The following SCN10A variants were observed in gnomAD, a reference collection of about 807,000 sequenced individuals.
SCN10A encodes the protein sodium voltage-gated channel alpha subunit 10.
Under a neutral mutation model 170.7 loss-of-function variants are expected in SCN10A, and 162 were observed. The ratio of observed to expected loss-of-function variants is 0.95; its 90% CI spans 0.84 to 1.08. The LOEUF is 1.08. SCN10A is among the 50% of genes least tolerant of loss of function. The pLI is 0.00. For synonymous variants in SCN10A, 985 were observed against 904.6 expected (o/e 1.09, Z -1.59); for missense variants, 2,527 against 2,436.9 (o/e 1.04, Z -0.78).
At chr3:38,787,602 A>G (rs947980297) in intron 4 of SCN10A, among the ~76,000 whole-genome samples, 1 of 151,798 alleles carries the variant, frequency 6.6e-6, no homozygotes, top group Non-Finnish European at 1.5e-5. Flanking sequence ...AAAGCTTTCC[A>G]TGTTCACAAT....
At chr3:38,708,307 G>C (rs1043726076) in intron 25 of SCN10A, among the ~76,000 whole-genome samples, 1 of 152,094 alleles carries the variant, frequency 6.6e-6, no homozygotes, top group Admixed American at 6.5e-5. Context: ...GTTTCTCAGT[G>C]ACCCCAGCCT....
At chr3:38,719,617 TCTC>T (rs1279516011) in intron 20 of SCN10A, among the ~76,000 whole-genome samples, 1 of 151,908 alleles carries the variant, frequency 6.6e-6, no homozygotes, top group African/African-American at 2.4e-5. Context: ...ATGGTCTCGA[TCTC>T]CTGACCTCAT....
At chr3:38,737,902 C>G (rs1047449684) in intron 15 of SCN10A, among the ~76,000 whole-genome samples, 5 of 148,320 alleles carry the variant, frequency 3.4e-5, no homozygotes, top group African/African-American at 1.2e-4. Flanking sequence ...TTTCATCTGT[C>G]TTTCTCTCGC....
At chr3:38,735,362 A>G (rs891746168) in intron 15 of SCN10A, among the ~76,000 whole-genome samples, 1 of 152,172 alleles carries the variant, frequency 6.6e-6, no homozygotes, top group East Asian at 1.9e-4. Flanking sequence ...ATTTAAGAAG[A>G]TATGCAAGAT....
At chr3:38,750,209 G>C in intron 12 of SCN10A, 25 bp from the exon 13 acceptor site, 1 of 1,439,906 alleles carries the variant, frequency 6.9e-7, no homozygotes, top group Non-Finnish European at 9.8e-7. Flanking sequence ...ACAGAGTCAG[G>C]ACGCTCCTTT....
intron 1 of SCN10A, among the ~76,000 whole-genome samples, chr3:38,797,241 C>T (rs1391400516): frequency 6.6e-6 from 1 of 152,092 alleles, no homozygotes; most frequent in Admixed American, 6.6e-5. Context: ...ATAGACACTG[C>T]TTATTGTCAC....
chr3:38,784,776 C>T (rs1041134578), intron 4 of SCN10A, among the ~76,000 whole-genome samples: 4 of 152,142 alleles, frequency 2.6e-5, no homozygotes, highest in Non-Finnish European at 5.9e-5. Flanking sequence ...TAAGCAACTT[C>T]AGCAAAGTCT....
chr3:38,735,758 G>A (rs2063554114), intron 15 of SCN10A, among the ~76,000 whole-genome samples: 1 of 152,212 alleles, frequency 6.6e-6, no homozygotes, highest in South Asian at 2.1e-4. Context: ...GTGACGGGAG[G>A]AGAAGCAATG....
intron 15 of SCN10A, among the ~76,000 whole-genome samples, chr3:38,736,972 T>TTTTG (rs1553618245): frequency 8.3e-5 from 8 of 96,154 alleles, no homozygotes; most frequent in Non-Finnish European, 1.5e-4. Context: ...CGTTTTTTTT[T>TTTTG]TTTTTTTTTT....
intron 13 of SCN10A, among the ~76,000 whole-genome samples, chr3:38,747,992 T>TC (rs2063709382): frequency 6.6e-6 from 1 of 152,156 alleles, no homozygotes; most frequent in Non-Finnish European, 1.5e-5. Flanking sequence ...CACCACTGAA[T>TC]CCCAGCACCT....
At chr3:38,803,528 T>A (rs1230469374) in intron 1 of SCN10A, among the ~76,000 whole-genome samples, 1 of 151,934 alleles carries the variant, frequency 6.6e-6, no homozygotes, top group African/African-American at 2.4e-5. Flanking sequence ...GAAACCATCA[T>A]TCTCAGCAAA....
chr3:38,725,466 G>A, intron 17 of SCN10A, 152 bp from the exon 18 acceptor site: 1 of 563,878 alleles, frequency 1.8e-6, no homozygotes, highest in African/African-American at 1.9e-5. Context: ...CGTGTGTGAA[G>A]TGAGCATGAA....
chr3:38,786,868 C>T (rs992925761), intron 4 of SCN10A, among the ~76,000 whole-genome samples: 3 of 152,126 alleles, frequency 2.0e-5, no homozygotes, highest in African/African-American at 4.8e-5. Context: ...TATGCTGTTA[C>T]ATTATTCTGA....
intron 12 of SCN10A, among the ~76,000 whole-genome samples, chr3:38,751,710 G>C (rs958091836): frequency 2.6e-5 from 4 of 152,194 alleles, no homozygotes; most frequent in Non-Finnish European, 4.4e-5. Flanking sequence ...GTTAGTCACT[G>C]TTGCCTAATT....
chr3:38,754,212 T>C (rs1396543083), intron 11 of SCN10A, among the ~76,000 whole-genome samples: 1 of 152,220 alleles, frequency 6.6e-6, no homozygotes, highest in East Asian at 1.9e-4. Context: ...TGATCCCAAT[T>C]ATGCCTTCCT....
At position 38,701,903 on chromosome 3, in the gene SCN10A, C is replaced by A; in HGVS notation, c.4593G>T (p.Arg1531Ser). Reference protein sequence around the residue: ...GECVMKMFALRQYYFTNGWNV... With the variant: ...GECVMKMFALSQYYFTNGWNV... ...TCCAGCCATTTGTGAAGTAGTACTGCCTCAAAGCGAACATCTTCATGACAC... is the reference window on the plus strand; with the variant it reads ...TCCAGCCATTTGTGAAGTAGTACTGACTCAAAGCGAACATCTTCATGACAC... The change falls in exon 27 of 28, where the codon AGG (arginine) becomes AGT (serine). Residue 1531 changes from arginine (R) to serine (S), a missense_variant. By Grantham distance (110) the Arg-to-Ser change is moderately radical. Coordinates refer to ENST00000449082, the MANE Select transcript of SCN10A (RefSeq NM_006514.4). The A allele has an allele frequency of 6.2e-7, 1 of 1,614,156 alleles. No individual in the cohort carries two copies. The highest frequency in any genetic ancestry group is 8.5e-7 in the Non-Finnish European group (1 of 1,180,002).
chr3:38,702,121 A>T lies in SCN10A; in HGVS notation c.4387-12T>A. The T allele has an allele frequency of 6.5e-7, 1 of 1,532,930 alleles. No homozygotes were observed. The highest frequency in any genetic ancestry group is 8.8e-7 in the Non-Finnish European group (1 of 1,142,360). 95.0% of individuals were successfully genotyped at this position (1,532,930 alleles called of 1,614,324 possible). A position where few individuals can be genotyped will look rare whatever the true frequency, so the allele number is the denominator to read the frequency against. On this transcript the variant is annotated splice_polypyrimidine_tract_variant and intron_variant, in intron 26 of 27. Coordinates refer to ENST00000449082, the MANE Select transcript of SCN10A (RefSeq NM_006514.4). The stretch of plus-strand genomic sequence containing the variant: ...CCCTGGAACTTGTTCTGAGAAAACA[A>T]GAGATAGTGGCATCAGGGCCTTTGG...
At chr3:38,791,909 A>ATT (rs1232211433) in intron 3 of SCN10A, 141 bp downstream of exon 3, 2 of 1,159,872 alleles carry the variant, frequency 1.7e-6, no homozygotes, top group Non-Finnish European at 2.4e-6. Flanking sequence ...GGCCCAAGCC[A>ATT]TTTTTTCAAT....
intron 15 of SCN10A, among the ~76,000 whole-genome samples, chr3:38,730,098 C>T (rs937149597): frequency 6.6e-6 from 1 of 152,136 alleles, no homozygotes; most frequent in Non-Finnish European, 1.5e-5. Flanking sequence ...GAAACGTAGT[C>T]CATGGCCTGC....
Sources: gnomAD v4.1 joint callset for allele counts (sites outside exome capture counted in the v4.1 genomes callset) on GRCh38, gnomAD v4.1.1 for gene constraint, MANE v1.5 for transcripts, NCBI Gene and HGNC (gene_info 2026-07-23, HGNC 2026-07-21) for gene names.